The following SMC5 variants were observed in gnomAD, a reference collection of about 807,000 sequenced individuals.
SMC5 encodes structural maintenance of chromosomes 5, also known as structural maintenance of chromosomes protein 5.
SMC5 carries 88 observed loss-of-function variants against 148.3 expected under a neutral mutation model. The observed-to-expected ratio is 0.59, with a 90% CI of 0.50 to 0.71. The LOEUF is 0.71. Among genes scored for constraint, SMC5 ranks in the 30% least tolerant of loss-of-function variants. The pLI is 0.00. For missense variants in SMC5, 1,142 were observed against 1,298.9 expected (o/e 0.88, Z 1.86); for synonymous variants, 421 against 432.8 (o/e 0.97, Z 0.34).
intron 8 of SMC5, among the ~76,000 whole-genome samples, chr9:70,288,115 G>A (rs1043959000): frequency 6.6e-6 from 1 of 152,106 alleles, no homozygotes; most frequent in East Asian, 1.9e-4. Context: ...ATACAAAGTT[G>A]GTAGATTGCC....
At chr9:70,278,447 T>A (rs974134641) in intron 4 of SMC5, 44 bp from the exon 5 acceptor site, 26 of 1,580,738 alleles carry the variant, frequency 1.6e-5, no homozygotes, top group African/African-American at 2.7e-5. Context: ...TGAAGATATA[T>A]GTAAATGAAT....
chr9:70,260,034 T>C (rs1488937763), intron 1 of SMC5, among the ~76,000 whole-genome samples: 1 of 150,566 alleles, frequency 6.6e-6, no homozygotes, highest in Non-Finnish European at 1.5e-5. Context: ...AACTTCCGCC[T>C]CTCGGTTTCA....
At chr9:70,334,873 G>A (rs1282612446) in intron 17 of SMC5, among the ~76,000 whole-genome samples, 3 of 152,058 alleles carry the variant, frequency 2.0e-5, no homozygotes, top group Non-Finnish European at 2.9e-5. Context: ...CTGGTCTTGG[G>A]TAGCAAAGAA....
At chr9:70,282,960 G>A (rs913920596) in intron 7 of SMC5, among the ~76,000 whole-genome samples, 1 of 152,134 alleles carries the variant, frequency 6.6e-6, no homozygotes, top group African/African-American at 2.4e-5. Flanking sequence ...ATAGATAATA[G>A]AATAATATTC....
rs1283199010 is a variant in SMC5, at chr9:70,354,741, A to G, written c.*2410A>G. The G allele has an allele frequency of 6.6e-6, 1 of 151,960 alleles. No homozygotes were observed. Among genetic ancestry groups the G allele is most frequent in the African/African-American group, 2.4e-5 (1 of 41,360 alleles). The allele number at this position is 151,960 out of a possible 1,614,324, so 9.4% of individuals were successfully genotyped here. A position where few individuals can be genotyped will look rare whatever the true frequency, so the allele number is the denominator to read the frequency against. ...CTAATTGTCTTTTGGACACATGCCTATTTTCTTTGAGGTATAAACCTTTAG... is the reference window on the plus strand; with the variant it reads ...CTAATTGTCTTTTGGACACATGCCTGTTTTCTTTGAGGTATAAACCTTTAG... On this transcript the variant is annotated 3_prime_UTR_variant, in exon 25 of 25. Coordinates refer to ENST00000361138, the MANE Select transcript of SMC5 (RefSeq NM_015110.4).
intron 9 of SMC5, 56 bp downstream of exon 9, chr9:70,298,277 G>A: frequency 6.6e-7 from 1 of 1,522,492 alleles, no homozygotes; most frequent in Non-Finnish European, 8.8e-7. Context: ...CATCTCTGTT[G>A]ATGAACTTTC....
At chr9:70,346,728 C>T (rs1352188981) in intron 19 of SMC5, 79 bp downstream of exon 19, 9 of 1,438,122 alleles carry the variant, frequency 6.3e-6, no homozygotes, top group Non-Finnish European at 8.8e-6. Context: ...GCTTTAAGGC[C>T]CGGAGATGAA....
chr9:70,272,354 G>A (rs368719035), intron 3 of SMC5, among the ~76,000 whole-genome samples: 1 of 152,188 alleles, frequency 6.6e-6, no homozygotes, highest in Non-Finnish European at 1.5e-5. Context: ...TTTCAGAGAT[G>A]TTAAAATGTT....
At chr9:70,348,968 A>G (rs979514844) in intron 22 of SMC5, among the ~76,000 whole-genome samples, 1 of 152,232 alleles carries the variant, frequency 6.6e-6, no homozygotes, top group African/African-American at 2.4e-5. Flanking sequence ...ATTGAAAATT[A>G]CATATGTGGG....
chr9:70,314,494 A>C (rs536872468), intron 11 of SMC5, among the ~76,000 whole-genome samples: 1 of 152,190 alleles, frequency 6.6e-6, no homozygotes, highest in Non-Finnish European at 1.5e-5. Flanking sequence ...TTTTGAAGTA[A>C]TTCCCAGACA....
Position 70,323,684 on chromosome 9 carries a change from G to T in SMC5, c.2274+78G>T. The T allele has an allele frequency of 3.4e-6, 5 of 1,450,714 alleles. No homozygotes were observed. The South Asian group carries it at 4.2e-5, about 12-fold the overall frequency. 89.9% of individuals were successfully genotyped at this position (1,450,714 alleles called of 1,614,324 possible). ...AAGATAGTAAAATCTTTAGAGGGAG[G>T]GAAGGTTTTGATTAAGGTTTTTGAC... On this transcript the variant is annotated intron_variant, in intron 16 of 24. Transcript: ENST00000361138.
chr9:70,312,579 C>A (rs1273409870), intron 11 of SMC5, among the ~76,000 whole-genome samples: 2 of 152,172 alleles, frequency 1.3e-5, no homozygotes, highest in Non-Finnish European at 2.9e-5. Flanking sequence ...TCCACAAATG[C>A]TCTTTATTAG....
At chr9:70,312,370 G>C (rs549662473) in intron 11 of SMC5, among the ~76,000 whole-genome samples, 1 of 152,226 alleles carries the variant, frequency 6.6e-6, no homozygotes, top group African/African-American at 2.4e-5. Flanking sequence ...ACAGCATGGG[G>C]GAAACCGCCC....
chr9:70,315,370 T>G, intron 12 of SMC5, 76 bp from the exon 13 acceptor site: 1 of 958,646 alleles, frequency 1.0e-6, no homozygotes, highest in Non-Finnish European at 1.5e-6. Context: ...TTATTGTTTA[T>G]TGGTGGCTTA....
chr9:70,336,108 A>G (rs2036349401), intron 17 of SMC5, among the ~76,000 whole-genome samples: 1 of 152,208 alleles, frequency 6.6e-6, no homozygotes, highest in African/African-American at 2.4e-5. Context: ...TACATGATTC[A>G]CTGTAACTTA....
chr9:70,335,226 T>C (rs1226878308), intron 17 of SMC5, among the ~76,000 whole-genome samples: 2 of 152,164 alleles, frequency 1.3e-5, no homozygotes, highest in Non-Finnish European at 2.9e-5. Context: ...GGGCAGTGGC[T>C]CATGCCTATA....
chr9:70,299,665 C>G (rs1022775073), intron 9 of SMC5, among the ~76,000 whole-genome samples: 3 of 151,870 alleles, frequency 2.0e-5, no homozygotes, highest in South Asian at 2.1e-4. Context: ...CATCCCCCCC[C>G]CTTTTTTAGT....
At chr9:70,307,552 G>T (rs2035537636) in intron 11 of SMC5, among the ~76,000 whole-genome samples, 1 of 151,706 alleles carries the variant, frequency 6.6e-6, no homozygotes, top group African/African-American at 2.4e-5. Context: ...GCCCAGGCTG[G>T]AGTGCAATGG....
At chr9:70,332,523 CAA>C (rs57524323) in intron 17 of SMC5, among the ~76,000 whole-genome samples, 49,904 of 104,658 alleles carry the variant, frequency 0.48, 9,127 homozygotes, top group Admixed American at 0.56. Flanking sequence ...GACCCTGTCT[CAA>C]AAAAAAAAAA....
Sources: gnomAD v4.1 joint callset for allele counts (sites outside exome capture counted in the v4.1 genomes callset) on GRCh38, gnomAD v4.1.1 for gene constraint, MANE v1.5 for transcripts, NCBI Gene and HGNC (gene_info 2026-07-23, HGNC 2026-07-21) for gene names.